ZNF385D: variants seen among roughly 807,000 people sequenced by gnomAD.
ZNF385D encodes the protein zinc finger protein 385D.
A neutral mutation model predicts 35.8 loss-of-function variants in ZNF385D; 15 were observed. The observed-to-expected ratio is 0.42, with a 90% CI of 0.28 to 0.64. The LOEUF (loss-of-function observed/expected upper bound fraction) is 0.64. ZNF385D is among the 30% of genes least tolerant of loss of function. The pLI is 0.23. For synonymous variants in ZNF385D, 212 were observed against 186.8 expected (o/e 1.13, Z -1.10); for missense variants, 474 against 494.6 (o/e 0.96, Z 0.39).
chr3:21,867,007 G>A (rs1697401216), intron 3 of ZNF385D, among the ~76,000 whole-genome samples: 1 of 151,954 alleles, frequency 6.6e-6, no homozygotes, highest in African/African-American at 2.4e-5. Context: ...CCTGACACTT[G>A]GTCACTTATA....
At chr3:21,446,006 A>G (rs1702127421) in intron 4 of ZNF385D, among the ~76,000 whole-genome samples, 1 of 152,218 alleles carries the variant, frequency 6.6e-6, no homozygotes, top group Non-Finnish European at 1.5e-5. Context: ...CTATTAGTAT[A>G]AACTAGTGAT....
At chr3:21,580,885 G>T (rs770882501) in intron 2 of ZNF385D, among the ~76,000 whole-genome samples, 1 of 151,906 alleles carries the variant, frequency 6.6e-6, no homozygotes, top group Non-Finnish European at 1.5e-5. Flanking sequence ...CCCTAGAAAA[G>T]GTCCCTTCAA....
At chr3:21,560,829 TC>T (rs2062917831) in intron 3 of ZNF385D, among the ~76,000 whole-genome samples, 1 of 152,156 alleles carries the variant, frequency 6.6e-6, no homozygotes, top group Admixed American at 6.5e-5. Flanking sequence ...GCCTTTTTTT[TC>T]AGAGATGCCC....
chr3:22,297,921 A>C (rs1702678768), intron 2 of ZNF385D, among the ~76,000 whole-genome samples: 1 of 152,126 alleles, frequency 6.6e-6, no homozygotes, highest in African/African-American at 2.4e-5. Context: ...TTTTAAAAAT[A>C]ATCTCTGCAT....
rs898998588 is a variant in ZNF385D at position 22,112,186 on chromosome 3, G to T, written c.325+56631C>A. Reference sequence around the variant, plus strand: ...ACTGTTAAGACTATTGTTTAGCAGAGTATTATTTATTGTTCCTATACCTGA... The same window carrying T: ...ACTGTTAAGACTATTGTTTAGCAGATTATTATTTATTGTTCCTATACCTGA... On this transcript the variant is annotated intron_variant, in intron 3 of 5. Transcript: ENST00000494108. Among the ~76,000 whole-genome samples, 4 of 152,140 alleles carry T rather than the reference G, an allele frequency of 2.6e-5. No homozygotes were observed. In the South Asian group the frequency reaches 6.2e-4, roughly 24 times the overall value.
rs542324001 is a variant in ZNF385D at position 22,159,462 on chromosome 3, C to A, written c.325+9355G>T. On this transcript the variant is annotated intron_variant, in intron 3 of 5. Coordinates refer to the ZNF385D transcript ENST00000494108. ...ACAGGAGTCGGTCTGGATTATCAGG[C>A]TCAGGTTGTAAAACCTCATCATTGT... 4.7e-4 allele frequency among the ~76,000 whole-genome samples: 72 copies of A among 152,114 alleles called. 1 individual carries two copies. The highest frequency in any genetic ancestry group is 4.7e-3 in the Admixed American group (71 of 15,244).
chr3:21,945,029 C>A (rs981542016), intron 3 of ZNF385D, among the ~76,000 whole-genome samples: 1 of 151,902 alleles, frequency 6.6e-6, no homozygotes, highest in Non-Finnish European at 1.5e-5. Flanking sequence ...CATAGGTAGT[C>A]TCTTAGAAAA....
At chr3:21,831,482 T>C (rs1357888635) in intron 3 of ZNF385D, among the ~76,000 whole-genome samples, 2 of 152,224 alleles carry the variant, frequency 1.3e-5, no homozygotes, top group Non-Finnish European at 2.9e-5. Context: ...ATCCTTAGCT[T>C]TGTTCCAAGC....
At chr3:22,112,359 TCCAA>T (rs1233052905) in intron 3 of ZNF385D, among the ~76,000 whole-genome samples, 2 of 152,046 alleles carry the variant, frequency 1.3e-5, no homozygotes, top group African/African-American at 2.4e-5. Context: ...GTCATAGTCC[TCCAA>T]CCATCAGAAA....
intron 2 of ZNF385D, among the ~76,000 whole-genome samples, chr3:22,370,151 T>C (rs1575217900): frequency 1.3e-5 from 2 of 152,336 alleles, no homozygotes; most frequent in Admixed American, 1.3e-4. Flanking sequence ...ACAAGCTGCT[T>C]GTACCTCTTA....
At chr3:22,283,959 T>A (rs1367596704) in intron 2 of ZNF385D, among the ~76,000 whole-genome samples, 1 of 152,156 alleles carries the variant, frequency 6.6e-6, no homozygotes, top group Non-Finnish European at 1.5e-5. Flanking sequence ...GTTCCCATAA[T>A]GGGATCTGGT....
chr3:21,859,737 A>G (rs544577364), intron 3 of ZNF385D, among the ~76,000 whole-genome samples: 1 of 152,114 alleles, frequency 6.6e-6, no homozygotes, highest in South Asian at 2.1e-4. Context: ...AGATAAGAAA[A>G]ATGTTTTAAT....
intron 2 of ZNF385D, among the ~76,000 whole-genome samples, chr3:22,269,904 C>T (rs78011463): frequency 5.8e-4 from 88 of 151,826 alleles, no homozygotes; most frequent in African/African-American, 1.9e-3. Context: ...TCTGGTAATC[C>T]GCTATTTTAT....
chr3:22,352,293 G>C (rs576607497), intron 2 of ZNF385D, among the ~76,000 whole-genome samples: 2 of 152,264 alleles, frequency 1.3e-5, no homozygotes, highest in South Asian at 4.1e-4. Context: ...ATAAACTTAT[G>C]AACATGTTCA....
intron 2 of ZNF385D, among the ~76,000 whole-genome samples, chr3:22,322,500 G>T (rs921295782): frequency 4.6e-5 from 7 of 151,978 alleles, no homozygotes; most frequent in Non-Finnish European, 8.8e-5. Context: ...ATTTTATAAG[G>T]TTTCCCCCTT....
At chr3:22,335,722 C>G (rs2125468364) in intron 2 of ZNF385D, among the ~76,000 whole-genome samples, 1 of 152,124 alleles carries the variant, frequency 6.6e-6, no homozygotes, top group African/African-American at 2.4e-5. Flanking sequence ...AGAAAATTAA[C>G]CAAAAAGGTT....
chr3:21,860,275 C>T (rs1177947800), intron 3 of ZNF385D, among the ~76,000 whole-genome samples: 2 of 152,106 alleles, frequency 1.3e-5, no homozygotes, highest in Non-Finnish European at 2.9e-5. Context: ...AACTGTCTCA[C>T]TGCAATTCAA....
intron 3 of ZNF385D, among the ~76,000 whole-genome samples, chr3:21,875,602 T>C (rs138119416): frequency 1.3e-5 from 2 of 152,188 alleles, no homozygotes; most frequent in East Asian, 1.9e-4. Context: ...CAGTGCAAAA[T>C]GGTCTTAGTG....
intron 3 of ZNF385D, among the ~76,000 whole-genome samples, chr3:21,858,138 G>A (rs1248349713): frequency 6.9e-6 from 1 of 145,048 alleles, no homozygotes; most frequent in Non-Finnish European, 1.5e-5. Context: ...CTCATGCCTG[G>A]GACACAGCAA....
Sources: gnomAD v4.1 joint callset for allele counts (sites outside exome capture counted in the v4.1 genomes callset) on GRCh38, gnomAD v4.1.1 for gene constraint, MANE v1.5 for transcripts, NCBI Gene and HGNC (gene_info 2026-07-23, HGNC 2026-07-21) for gene names.